The following AQP9 variants were observed in gnomAD, a reference collection of about 807,000 sequenced individuals.
AQP9 encodes aquaporin 9.
In AQP9, 19 loss-of-function variants were observed where a neutral mutation model predicts 23.8. That is an observed-to-expected ratio of 0.80 (90% confidence interval 0.56 to 1.17). The LOEUF is 1.17. Among genes scored for constraint, AQP9 ranks in the 50% most tolerant of loss-of-function variants. AQP9 has a pLI of 0.00. For missense variants in AQP9, 413 were observed against 362.0 expected (o/e 1.14, Z -1.14); for synonymous variants, 153 against 131.5 (o/e 1.16, Z -1.12).
rs1255245010 is a variant in AQP9 at position 58,179,390 on chromosome 15, C to T, written c.713+45C>T. ...AAGAGAGAGACAGAGTCATGCTGCG[C>T]CTCACCAGTGGGGCGGGGCTTTGAC... On this transcript the variant is annotated intron_variant, in intron 5 of 5. Transcript: ENST00000219919. The T allele has an allele frequency of 1.9e-6, 3 of 1,543,876 alleles. No homozygotes were observed. In the Admixed American group the frequency reaches 5.6e-5, roughly 29 times the overall value.
At chr15:58,151,320 C>A (rs1898144581) in intron 1 of AQP9, 1 of 152,126 alleles carries the variant, frequency 6.6e-6, no homozygotes, top group South Asian at 2.1e-4. Context: ...AAATTTACTT[C>A]AATGCTAAAA....
intron 2 of AQP9, among the ~76,000 whole-genome samples, chr15:58,172,082 C>A (rs1455836850): frequency 6.6e-6 from 1 of 152,144 alleles, no homozygotes. Context: ...CCTTTATAAA[C>A]ACGGTGAAGA....
chr15:58,176,486 T>G (rs1898756972), intron 4 of AQP9, among the ~76,000 whole-genome samples: 1 of 151,594 alleles, frequency 6.6e-6, no homozygotes, highest in Admixed American at 6.6e-5. Flanking sequence ...CCACCACACC[T>G]CAGCCTGGGC....
In AQP9 at chr15:58,175,052, A is replaced by G. The variant is rs745543976; in HGVS notation, c.495+16A>G. The G allele has an allele frequency of 3.0e-5, 47 of 1,585,056 alleles. No homozygotes were observed. In the South Asian group the frequency reaches 4.9e-4, roughly 16 times the overall value. ...TGCAGATCAAGTAAGTGTAGATTCAACAAAGACTTAACTTTGGTGAAAAGA... is the reference window on the plus strand; with the variant it reads ...TGCAGATCAAGTAAGTGTAGATTCAGCAAAGACTTAACTTTGGTGAAAAGA... On this transcript the variant is annotated intron_variant, in intron 4 of 5. Transcript: ENST00000219919.
intron 1 of AQP9, among the ~76,000 whole-genome samples, chr15:58,141,581 G>C (rs1390295992): frequency 1.3e-5 from 2 of 152,146 alleles, no homozygotes; most frequent in Admixed American, 1.3e-4. Flanking sequence ...AGGAAATAGG[G>C]GAGTGGGCAG....
chr15:58,175,037 G>C lies in AQP9; in HGVS notation c.495+1G>C. On this transcript the variant is annotated splice_donor_variant, in intron 4 of 5. Transcript: ENST00000219919. LOFTEE classifies it high-confidence loss of function. Reference sequence around the variant, plus strand: ...TCTGGCGAACGCATTTGCAGATCAAGTAAGTGTAGATTCAACAAAGACTTA... The same window carrying C: ...TCTGGCGAACGCATTTGCAGATCAACTAAGTGTAGATTCAACAAAGACTTA... 6.2e-7 allele frequency: 1 copy of C among 1,608,094 alleles called. No homozygotes were observed. The highest frequency in any genetic ancestry group is 1.1e-5 in the South Asian group (1 of 90,970).
intron 1 of AQP9, among the ~76,000 whole-genome samples, chr15:58,140,061 A>G (rs532270717): frequency 1.2e-4 from 19 of 152,344 alleles, no homozygotes; most frequent in Non-Finnish European, 1.9e-4. Context: ...TTACTTGACA[A>G]TCTGGCCCCA....
At chr15:58,168,320 C>A (rs72743586) in intron 2 of AQP9, among the ~76,000 whole-genome samples, 25,078 of 152,036 alleles carry the variant, frequency 0.16, 2,150 homozygotes, top group African/African-American at 0.19. Context: ...CATGAGCCAC[C>A]ACACCCAGCC....
chr15:58,163,507 G>A (rs1300185196), intron 1 of AQP9, among the ~76,000 whole-genome samples: 3 of 152,138 alleles, frequency 2.0e-5, no homozygotes, highest in African/African-American at 7.2e-5. Context: ...TCAAGATTAT[G>A]CACTTGGAAG....
chr15:58,181,847 T>C (rs1432662073), intron 5 of AQP9, among the ~76,000 whole-genome samples: 1 of 152,166 alleles, frequency 6.6e-6, no homozygotes, highest in Non-Finnish European at 1.5e-5. Flanking sequence ...GGTTGGCTGG[T>C]AATCCTCAAC....
At chr15:58,165,155 A>T (rs1224108339) in intron 1 of AQP9, among the ~76,000 whole-genome samples, 1 of 152,084 alleles carries the variant, frequency 6.6e-6, no homozygotes, top group Non-Finnish European at 1.5e-5. Flanking sequence ...CTAATCATCT[A>T]ATAATTCCTA....
At chr15:58,150,628 A>G (rs1431572157) in intron 1 of AQP9, 1 of 152,378 alleles carries the variant, frequency 6.6e-6, no homozygotes, top group Admixed American at 6.5e-5. Flanking sequence ...ATATTTGAAA[A>G]AGAGTAATTA....
intron 1 of AQP9, among the ~76,000 whole-genome samples, chr15:58,141,337 G>C (rs550065932): frequency 6.6e-6 from 1 of 152,322 alleles, no homozygotes; most frequent in South Asian, 2.1e-4. Context: ...TTCCTCCTGA[G>C]GTGGAAGGAC....
At position 58,185,301 on chromosome 15, in the gene AQP9, T is replaced by G. The variant is rs1898999989; in HGVS notation, c.*1166T>G. 6.5e-6 allele frequency: 1 copy of G among 152,674 alleles called. No individual in the cohort carries two copies. The highest frequency in any genetic ancestry group is 1.5e-5 in the Non-Finnish European group (1 of 68,060). The allele number at this position is 152,674 out of a possible 1,614,324, so 9.5% of individuals were successfully genotyped here. ...CTCTACCTTTCAGAAGATCAGTAGC[T>G]GGCTGACAATCTTTGCCAAATCTTC... On this transcript the variant is annotated 3_prime_UTR_variant, in exon 6 of 6. Transcript: ENST00000219919.
intron 2 of AQP9, among the ~76,000 whole-genome samples, chr15:58,172,827 C>G (rs1898652627): frequency 6.6e-6 from 1 of 152,154 alleles, no homozygotes; most frequent in Non-Finnish European, 1.5e-5. Context: ...ATACCTGACT[C>G]TCTTTTCATC....
intron 5 of AQP9, among the ~76,000 whole-genome samples, chr15:58,179,849 T>C (rs542026804): frequency 1.3e-5 from 2 of 152,308 alleles, no homozygotes; most frequent in African/African-American, 4.8e-5. Context: ...AGCACTCACC[T>C]TGAGCGATAT....
rs1325573528 is a variant in AQP9 at position 58,185,384 on chromosome 15, T to C, written c.*1249T>C. The C allele has an allele frequency of 6.6e-6, 1 of 152,662 alleles. No homozygotes were observed. The highest frequency in any genetic ancestry group is 1.9e-4 in the East Asian group (1 of 5,204). 9.5% of individuals were successfully genotyped at this position (152,662 alleles called of 1,614,324 possible). A position where few individuals can be genotyped will look rare whatever the true frequency, so the allele number is the denominator to read the frequency against. ...AGAATATGTACACCTCTGGACAAAA[T>C]GTTCCTCAATCTTAAGATACAAAGA... On this transcript the variant is annotated 3_prime_UTR_variant, in exon 6 of 6. Transcript: ENST00000219919.
intron 5 of AQP9, among the ~76,000 whole-genome samples, chr15:58,180,742 C>T (rs1898868391): frequency 6.6e-6 from 1 of 152,170 alleles, no homozygotes; most frequent in Non-Finnish European, 1.5e-5. Context: ...CTGCTACTGG[C>T]ATCTAATGGG....
chr15:58,148,603 A>T (rs1436914494), intron 1 of AQP9, among the ~76,000 whole-genome samples: 1 of 152,212 alleles, frequency 6.6e-6, no homozygotes, highest in Non-Finnish European at 1.5e-5. Context: ...TCAGAGTCAC[A>T]GTTATCCTGA....
Sources: gnomAD v4.1 joint callset for allele counts (sites outside exome capture counted in the v4.1 genomes callset) on GRCh38, gnomAD v4.1.1 for gene constraint, MANE v1.5 for transcripts, NCBI Gene and HGNC (gene_info 2026-07-23, HGNC 2026-07-21) for gene names.